Variants in CDK14 observed in about 807,000 individuals in gnomAD.
CDK14 encodes the protein cyclin-dependent kinase 14.
A neutral mutation model predicts 60.7 loss-of-function variants in CDK14; 34 were observed. The ratio of observed to expected loss-of-function variants is 0.56; its 90% confidence interval spans 0.43 to 0.75. The LOEUF (loss-of-function observed/expected upper bound fraction) is 0.75. CDK14 is among the 30% of genes least tolerant of loss of function. The pLI, the probability that CDK14 is intolerant of heterozygous loss-of-function variation, is 0.00. For missense variants in CDK14, 482 were observed against 564.1 expected (o/e 0.85, Z 1.47); for synonymous variants, 197 against 203.7 (o/e 0.97, Z 0.28).
At chr7:91,124,253 G>A (rs990142991) in intron 14 of CDK14, among the ~76,000 whole-genome samples, 21 of 151,952 alleles carry the variant, frequency 1.4e-4, no homozygotes, top group Non-Finnish European at 5.9e-5. Flanking sequence ...AATAGCACAA[G>A]AATTCCTGAT....
chr7:91,025,587 A>G (rs1796546501), intron 10 of CDK14, among the ~76,000 whole-genome samples: 1 of 152,186 alleles, frequency 6.6e-6, no homozygotes, highest in African/African-American at 2.4e-5. Context: ...GGTGGCCTTG[A>G]TCATATGGTT....
At chr7:90,801,831 CAT>C (rs1200886993) in intron 5 of CDK14, among the ~76,000 whole-genome samples, 1 of 152,050 alleles carries the variant, frequency 6.6e-6, no homozygotes, top group Non-Finnish European at 1.5e-5. Context: ...AGTATATAAT[CAT>C]CTTTGGTTAT....
chr7:91,195,559 G>T (rs946371950), intron 14 of CDK14, among the ~76,000 whole-genome samples: 2 of 152,114 alleles, frequency 1.3e-5, no homozygotes, highest in African/African-American at 2.4e-5. Flanking sequence ...GTCATCATTT[G>T]TCCAGAACAT....
At chr7:90,641,027 A>C (rs1267766723) in intron 2 of CDK14, among the ~76,000 whole-genome samples, 4 of 152,014 alleles carry the variant, frequency 2.6e-5, no homozygotes, top group Non-Finnish European at 5.9e-5. Context: ...GGGAAATTCA[A>C]ATCAAAACCA....
At chr7:91,057,694 T>G (rs1245092783) in intron 11 of CDK14, among the ~76,000 whole-genome samples, 4 of 152,260 alleles carry the variant, frequency 2.6e-5, no homozygotes, top group Non-Finnish European at 5.9e-5. Flanking sequence ...TTTGTCAGGT[T>G]TGTCAAAGAT....
chr7:90,695,617 CA>C (rs771331621), intron 2 of CDK14, among the ~76,000 whole-genome samples: 20 of 151,842 alleles, frequency 1.3e-4, no homozygotes, highest in Non-Finnish European at 2.5e-4. Context: ...TAAACAAAAG[CA>C]AGGAAAGGGG....
At chr7:91,176,802 T>C (rs200232630) in intron 14 of CDK14, among the ~76,000 whole-genome samples, 8,991 of 151,638 alleles carry the variant, frequency 0.059, 832 homozygotes, top group East Asian at 0.48. Context: ...GGAGCTGAAA[T>C]TGTGGCAATA....
At chr7:90,889,376 C>T (rs1489914705) in intron 6 of CDK14, among the ~76,000 whole-genome samples, 1 of 152,154 alleles carries the variant, frequency 6.6e-6, no homozygotes, top group African/African-American at 2.4e-5. Context: ...AGGGATTTTT[C>T]AGGTTGCTGG....
rs1802936866 is a variant in CDK14 at position 91,207,403 on chromosome 7, T to G, written c.*267T>G. ...AAGCTTTGCTTACTGATACATGGCA[T>G]GTATTCTTTTCAGTCTTTTGTGTTT... On this transcript the variant is annotated 3_prime_UTR_variant, in exon 15 of 15. Coordinates refer to ENST00000380050, the MANE Select transcript of CDK14 (RefSeq NM_001287135.2). 6.6e-6 allele frequency: 1 copy of G among 152,560 alleles called. No homozygotes were observed. The allele number at this position is 152,560 out of a possible 1,614,324, so 9.5% of individuals were successfully genotyped here.
intron 3 of CDK14, 65 bp downstream of exon 3, chr7:90,726,877 C>A (rs534792084): frequency 6.4e-7 from 1 of 1,562,932 alleles, no homozygotes; most frequent in Middle Eastern, 1.7e-4. Flanking sequence ...TGATAGCATG[C>A]GGTGCTGGAA....
chr7:90,989,202 G>C (rs914413792), intron 10 of CDK14, among the ~76,000 whole-genome samples: 6 of 152,090 alleles, frequency 3.9e-5, no homozygotes, highest in Non-Finnish European at 8.8e-5. Context: ...TTTAGAACTG[G>C]AACCATAATC....
At chr7:91,028,461 G>A (rs1450302237) in intron 10 of CDK14, among the ~76,000 whole-genome samples, 4 of 152,114 alleles carry the variant, frequency 2.6e-5, no homozygotes, top group African/African-American at 7.2e-5. Flanking sequence ...AGAATTACTG[G>A]ATCGAATGGT....
At chr7:90,974,771 A>G (rs1275130528) in intron 9 of CDK14, among the ~76,000 whole-genome samples, 1 of 152,092 alleles carries the variant, frequency 6.6e-6, no homozygotes, top group Non-Finnish European at 1.5e-5. Context: ...AGATTTTTTT[A>G]TTATGCATGC....
At chr7:90,611,794 G>A (rs1287493702) in intron 2 of CDK14, among the ~76,000 whole-genome samples, 1 of 148,684 alleles carries the variant, frequency 6.7e-6, no homozygotes, top group African/African-American at 2.5e-5. Context: ...TATCTCTTTC[G>A]TACCTTTTGA....
chr7:91,081,324 C>G (rs911740475), intron 12 of CDK14, among the ~76,000 whole-genome samples: 1 of 152,182 alleles, frequency 6.6e-6, no homozygotes, highest in African/African-American at 2.4e-5. Flanking sequence ...CATTAAAAGA[C>G]TATTACGCGA....
chr7:91,177,491 A>T (rs1424028798), intron 14 of CDK14, among the ~76,000 whole-genome samples: 1 of 151,966 alleles, frequency 6.6e-6, no homozygotes, highest in Admixed American at 6.6e-5. Context: ...AATAAAGGGT[A>T]TTCAATTAGG....
intron 4 of CDK14, among the ~76,000 whole-genome samples, chr7:90,750,806 G>T (rs1449784734): frequency 6.6e-6 from 1 of 151,914 alleles, no homozygotes; most frequent in Non-Finnish European, 1.5e-5. Context: ...CTGCGAGGCG[G>T]AGGTTGCAGT....
At chr7:90,765,616 T>TA (rs397783350) in intron 4 of CDK14, among the ~76,000 whole-genome samples, 2 of 151,442 alleles carry the variant, frequency 1.3e-5, no homozygotes, top group African/African-American at 4.9e-5. Flanking sequence ...TTTTTTTTTT[T>TA]AAGAATGTTA....
At chr7:90,946,305 A>G (rs2117529713) in intron 8 of CDK14, among the ~76,000 whole-genome samples, 1 of 152,300 alleles carries the variant, frequency 6.6e-6, no homozygotes, top group East Asian at 1.9e-4. Flanking sequence ...TATTTACTAC[A>G]TTAGCAATGC....
Sources: gnomAD v4.1 joint callset for allele counts (sites outside exome capture counted in the v4.1 genomes callset) on GRCh38, gnomAD v4.1.1 for gene constraint, MANE v1.5 for transcripts, NCBI Gene and HGNC (gene_info 2026-07-23, HGNC 2026-07-21) for gene names.